Variants in KCNK13 observed in about 807,000 individuals in gnomAD.
The protein encoded by KCNK13 is potassium channel subfamily K member 13.
KCNK13 carries 12 observed loss-of-function variants against 23.4 expected under a neutral mutation model. The observed-to-expected ratio is 0.51, with a 90% CI of 0.33 to 0.83. KCNK13 has a LOEUF of 0.83. Ranked by LOEUF, KCNK13 falls within the 40% of genes least tolerant of loss-of-function variation. The pLI is 0.02. For synonymous variants in KCNK13, 231 were observed against 229.5 expected, an observed-to-expected ratio of 1.01 and a Z score of -0.06; for missense variants, 463 against 556.3, an observed-to-expected ratio of 0.83 and a Z score of 1.69.
At chr14:90,097,007 C>T (rs1011512663) in intron 1 of KCNK13, among the ~76,000 whole-genome samples, 2 of 152,092 alleles carry the variant, frequency 1.3e-5, no homozygotes, top group African/African-American at 4.8e-5. Context: ...GGGCTTGGAT[C>T]CAGCAGCACA....
rs74080561 is a variant in KCNK13 at position 90,063,913 on chromosome 14, A to G, written c.334+1374A>G. ...GCTGTATCTGAAGTGCCTGGCTCCC[A>G]GCCCCCATCCCATCCCAGATGGTGC... On this transcript the variant is annotated intron_variant, in intron 1 of 1. Transcript: ENST00000282146. 2.7e-3 allele frequency among the ~76,000 whole-genome samples: 404 copies of G among 152,306 alleles called. 2 individuals are homozygous for G. The highest frequency in any genetic ancestry group is 9.0e-3 in the African/African-American group (376 of 41,580).
intron 1 of KCNK13, among the ~76,000 whole-genome samples, chr14:90,071,037 G>A (rs1889068330): frequency 6.6e-6 from 1 of 152,160 alleles, no homozygotes; most frequent in Non-Finnish European, 1.5e-5. Context: ...ACTCTCCATT[G>A]CCCAGCATTT....
intron 1 of KCNK13, among the ~76,000 whole-genome samples, chr14:90,077,819 T>C (rs1222449492): frequency 6.6e-6 from 1 of 152,214 alleles, no homozygotes; most frequent in Non-Finnish European, 1.5e-5. Flanking sequence ...CATTAAATCT[T>C]GCTCGCTTGT....
intron 1 of KCNK13, among the ~76,000 whole-genome samples, chr14:90,068,540 G>A (rs1006327520): frequency 2.0e-5 from 3 of 152,128 alleles, no homozygotes; most frequent in Non-Finnish European, 4.4e-5. Context: ...TGAGGTTGAG[G>A]CTGCAGTGAA....
At chr14:90,143,176 T>TTTCTTTCTTTCTTTCTTTC (rs3994012) in intron 1 of KCNK13, among the ~76,000 whole-genome samples, 3,788 of 97,468 alleles carry the variant, frequency 0.039, 85 homozygotes, top group Admixed American at 0.067. Flanking sequence ...TCTTTCTTTC[T>TTTCTTTCTTTCTTTCTTTC]TTTCTTTTCT....
At chr14:90,169,041 C>T (rs1315565825) in intron 1 of KCNK13, among the ~76,000 whole-genome samples, 1 of 152,202 alleles carries the variant, frequency 6.6e-6, no homozygotes, top group Non-Finnish European at 1.5e-5. Flanking sequence ...AATTAAATTT[C>T]TTTCCTTTAT....
intron 1 of KCNK13, among the ~76,000 whole-genome samples, chr14:90,092,045 C>T (rs1361356342): frequency 6.6e-6 from 1 of 151,696 alleles, no homozygotes; most frequent in African/African-American, 2.4e-5. Context: ...CCTCAGCCTC[C>T]CGAGTAGCTG....
chr14:90,130,896 C>T (rs1019143853), intron 1 of KCNK13, among the ~76,000 whole-genome samples: 5 of 152,272 alleles, frequency 3.3e-5, no homozygotes, highest in Admixed American at 2.6e-4. Context: ...GTAGCAAAGT[C>T]GAGTATGGTG....
At chr14:90,134,184 C>T (rs1889908330) in intron 1 of KCNK13, among the ~76,000 whole-genome samples, 1 of 124,044 alleles carries the variant, frequency 8.1e-6, no homozygotes, top group African/African-American at 2.7e-5. Context: ...CCTCTGCACT[C>T]CAGCCTGAGC....
Position 90,133,068 on chromosome 14 carries a change from C to T in KCNK13, c.335-51043C>T, listed in dbSNP as rs187558714. The stretch of plus-strand genomic sequence containing the variant: ...GTAGACAGGAGACATTTGACCTGTC[C>T]TCTTCCTTGGCTCCGCAAAGAGATG... On this transcript the variant is annotated intron_variant, in intron 1 of 1. Coordinates refer to ENST00000282146, the MANE Select transcript of KCNK13 (RefSeq NM_022054.4). Among the ~76,000 whole-genome samples the T allele has an allele frequency of 2.9e-3, 441 of 152,286 alleles. 4 individuals are homozygous for T. Among genetic ancestry groups the T allele is most frequent in the Non-Finnish European group, 4.5e-3 (305 of 68,024 alleles).
intron 1 of KCNK13, among the ~76,000 whole-genome samples, chr14:90,129,354 G>A (rs74082622): frequency 0.039 from 5,876 of 152,218 alleles, 187 homozygotes; most frequent in South Asian, 0.15. Flanking sequence ...ATGTGTGAGC[G>A]TTCCCTGGTG....
chr14:90,126,574 C>T (rs1210794587), intron 1 of KCNK13, among the ~76,000 whole-genome samples: 1 of 151,878 alleles, frequency 6.6e-6, no homozygotes, highest in Non-Finnish European at 1.5e-5. Flanking sequence ...GATGGAGTCT[C>T]GCTCTGTCAC....
intron 1 of KCNK13, among the ~76,000 whole-genome samples, chr14:90,169,534 G>C (rs1890341029): frequency 6.6e-6 from 1 of 152,168 alleles, no homozygotes; most frequent in Non-Finnish European, 1.5e-5. Context: ...GAGAAACGAG[G>C]ATTTCCCAGA....
chr14:90,121,845 G>A (rs769462066), intron 1 of KCNK13, among the ~76,000 whole-genome samples: 3 of 151,716 alleles, frequency 2.0e-5, no homozygotes, highest in Non-Finnish European at 2.9e-5. Context: ...TCAGCCTCCC[G>A]AGTAGCTGGA....
At chr14:90,141,704 G>A (rs560989131) in intron 1 of KCNK13, among the ~76,000 whole-genome samples, 10 of 150,372 alleles carry the variant, frequency 6.7e-5, no homozygotes, top group African/African-American at 2.2e-4. Flanking sequence ...GTGATCTGCT[G>A]GGCTCGGCCT....
chr14:90,158,658 G>C (rs780919111), intron 1 of KCNK13, among the ~76,000 whole-genome samples: 1 of 152,218 alleles, frequency 6.6e-6, no homozygotes, highest in African/African-American at 2.4e-5. Flanking sequence ...TGAGTAGGTG[G>C]GGTAGAGGAG....
chr14:90,151,997 C>T (rs76624374), intron 1 of KCNK13, among the ~76,000 whole-genome samples: 5,216 of 152,120 alleles, frequency 0.034, 289 homozygotes, highest in African/African-American at 0.12. Context: ...GTTTTTATGT[C>T]GATACTGTAT....
chr14:90,147,677 ATTTATG>A (rs754135961), intron 1 of KCNK13, among the ~76,000 whole-genome samples: 197 of 152,204 alleles, frequency 1.3e-3, no homozygotes, highest in Admixed American at 4.3e-3. Context: ...TCCATGAGAT[ATTTATG>A]TTTAATTATC....
chr14:90,171,773 C>G (rs183433226), intron 1 of KCNK13, among the ~76,000 whole-genome samples: 21 of 152,328 alleles, frequency 1.4e-4, no homozygotes, highest in Non-Finnish European at 5.9e-5. Flanking sequence ...ATGCATCTAT[C>G]TCAGTGAGCA....
Sources: allele counts gnomAD v4.1 joint callset (sites outside exome capture counted in the v4.1 genomes callset), GRCh38; gene constraint gnomAD v4.1.1; transcripts MANE v1.5; gene names NCBI Gene and HGNC (gene_info 2026-07-23, HGNC 2026-07-21).